The following SYN3 variants were observed in gnomAD, a reference collection of about 807,000 sequenced individuals.
SYN3 encodes the protein synapsin-3.
In SYN3, 35 loss-of-function variants were observed where a neutral mutation model predicts 65.8. That is an observed-to-expected ratio of 0.53 (90% CI 0.41 to 0.70). The LOEUF (loss-of-function observed/expected upper bound fraction) is 0.70, where lower values mean the gene tolerates loss of function less well. Among genes scored for constraint, SYN3 ranks in the 30% least tolerant of loss-of-function variants. The pLI, the probability that SYN3 is intolerant of heterozygous loss-of-function variation, is 0.00. For synonymous variants in SYN3, 270 were observed against 292.9 expected (o/e 0.92, Z 0.80); for missense variants, 680 against 749.0 (o/e 0.91, Z 1.08).
intron 6 of SYN3, among the ~76,000 whole-genome samples, chr22:32,799,429 C>T (rs886603363): frequency 3.9e-5 from 6 of 152,172 alleles, no homozygotes; most frequent in South Asian, 2.1e-4. Flanking sequence ...TGGAAAAAAA[C>T]GCTTCAGATG....
At chr22:32,725,847 T>C (rs1237401951) in intron 6 of SYN3, among the ~76,000 whole-genome samples, 3 of 152,252 alleles carry the variant, frequency 2.0e-5, no homozygotes, top group Non-Finnish European at 4.4e-5. Flanking sequence ...GCAAATATGC[T>C]TAGTCAATAT....
chr22:32,664,858 C>T (rs111710961), intron 6 of SYN3, among the ~76,000 whole-genome samples: 6,931 of 151,708 alleles, frequency 0.046, 184 homozygotes, highest in Admixed American at 0.069. Context: ...CCAATCTGCC[C>T]GCCTCCACCT....
intron 2 of SYN3, 33 bp from the exon 3 acceptor site, chr22:32,980,735 T>C (rs368660259): frequency 1.5e-5 from 24 of 1,605,472 alleles, no homozygotes; most frequent in African/African-American, 1.5e-4. Context: ...TGAGTAAGGA[T>C]GCAGGCTGTT....
At chr22:32,932,815 C>T (rs780690812) in intron 3 of SYN3, among the ~76,000 whole-genome samples, 13 of 152,138 alleles carry the variant, frequency 8.5e-5, no homozygotes, top group Non-Finnish European at 1.6e-4. Flanking sequence ...AATTCATTCT[C>T]CACAGTTTTG....
intron 6 of SYN3, among the ~76,000 whole-genome samples, chr22:32,639,201 C>G (rs1347283660): frequency 6.6e-6 from 1 of 152,196 alleles, no homozygotes; most frequent in African/African-American, 2.4e-5. Context: ...GATCCACCCG[C>G]CTCGGCCTCC....
At chr22:32,776,572 C>A (rs930040070) in intron 6 of SYN3, among the ~76,000 whole-genome samples, 3 of 152,184 alleles carry the variant, frequency 2.0e-5, no homozygotes, top group African/African-American at 7.2e-5. Flanking sequence ...AATGAAGGGT[C>A]TGGCTCCAAG....
intron 6 of SYN3, among the ~76,000 whole-genome samples, chr22:32,649,726 T>TCAGGCAGGGGGTGGC: frequency 6.6e-6 from 1 of 152,274 alleles, no homozygotes; most frequent in Admixed American, 6.5e-5. Context: ...ACAGGATGAC[T>TCAGGCAGGGGGTGGC]CAGGCAGGGG....
intron 6 of SYN3, chr22:32,859,163 C>T (rs1569281617): frequency 1.2e-6 from 2 of 1,614,134 alleles, no homozygotes; most frequent in Admixed American, 1.7e-5. Context: ...CAACTGCTGC[C>T]TGTTATCTAA....
At chr22:32,630,303 T>C (rs1774150297) in intron 6 of SYN3, among the ~76,000 whole-genome samples, 1 of 152,096 alleles carries the variant, frequency 6.6e-6, no homozygotes, top group Non-Finnish European at 1.5e-5. Flanking sequence ...TTTTTAGAGA[T>C]GGGGTCTTGC....
chr22:32,803,463 G>T (rs921077502), intron 6 of SYN3, among the ~76,000 whole-genome samples: 1 of 152,144 alleles, frequency 6.6e-6, no homozygotes, highest in Non-Finnish European at 1.5e-5. Context: ...GCAGCTGAGG[G>T]TGTTTGTGTG....
At chr22:32,568,249 C>T (rs566747504) in intron 7 of SYN3, among the ~76,000 whole-genome samples, 13 of 152,268 alleles carry the variant, frequency 8.5e-5, no homozygotes, top group African/African-American at 3.1e-4. Flanking sequence ...CCTACTCATT[C>T]CTCAAAACCC....
chr22:32,846,215 G>C (rs2048058160), intron 6 of SYN3, among the ~76,000 whole-genome samples: 1 of 152,192 alleles, frequency 6.6e-6, no homozygotes, highest in Admixed American at 6.5e-5. Context: ...TGGGTGATAA[G>C]GTGGGATGGG....
rs1290819555 is a variant in SYN3, at chr22:32,679,658, C to CA, written c.712-82923dup. On this transcript the variant is annotated intron_variant, in intron 6 of 13. Transcript: ENST00000358763. ...CAACACTTTTGTTTTTAATAACAGC[C>CA]ATCCTAACATCCTAACAGGTGTGAG... Among the ~76,000 whole-genome samples, 1,334 of 152,156 alleles carry CA rather than the reference C, an allele frequency of 8.8e-3. 22 individuals are homozygous for CA. The highest frequency in any genetic ancestry group is 0.031 in the African/African-American group (1,283 of 41,512).
intron 4 of SYN3, among the ~76,000 whole-genome samples, chr22:32,883,119 G>A (rs918062013): frequency 6.6e-6 from 1 of 152,168 alleles, no homozygotes; most frequent in Admixed American, 6.5e-5. Flanking sequence ...GAAACTAAAG[G>A]GAGCTATTTA....
intron 6 of SYN3, among the ~76,000 whole-genome samples, chr22:32,816,844 G>C (rs1341155585): frequency 6.6e-6 from 1 of 152,166 alleles, no homozygotes; most frequent in Non-Finnish European, 1.5e-5. Flanking sequence ...TGTAAGGATG[G>C]GGCAGGCAAC....
chr22:32,570,819 T>C lies in SYN3; in HGVS notation c.774+25855A>G, dbSNP rs373640555. ...GCCTGCTCAGCACTGGGATGCTGACTTCTCTCTACCAGTGACCCACAATGC... is the reference window on the plus strand; with the variant it reads ...GCCTGCTCAGCACTGGGATGCTGACCTCTCTCTACCAGTGACCCACAATGC... On this transcript the variant is annotated intron_variant, in intron 7 of 13. Transcript: ENST00000358763. Among the ~76,000 whole-genome samples the C allele has an allele frequency of 3.9e-5, 6 of 152,128 alleles. No homozygotes were observed. The East Asian group carries it at 9.6e-4, about 24-fold the overall frequency.
intron 3 of SYN3, among the ~76,000 whole-genome samples, chr22:32,936,249 T>C (rs183413240): frequency 2.0e-5 from 3 of 152,332 alleles, no homozygotes; most frequent in Admixed American, 1.3e-4. Context: ...ATATCAGTTT[T>C]CAGGAACTAG....
At chr22:32,670,606 A>G (rs201010448) in intron 6 of SYN3, among the ~76,000 whole-genome samples, 1 of 152,198 alleles carries the variant, frequency 6.6e-6, no homozygotes, top group Non-Finnish European at 1.5e-5. Flanking sequence ...TTTGTATCTT[A>G]CAGCATTAGG....
chr22:32,530,800 T>C (rs887893187), intron 10 of SYN3, among the ~76,000 whole-genome samples: 1 of 151,752 alleles, frequency 6.6e-6, no homozygotes, highest in African/African-American at 2.4e-5. Context: ...GTCAGGAGAT[T>C]GAGACCATCC....
Sources: allele counts gnomAD v4.1 joint callset (sites outside exome capture counted in the v4.1 genomes callset), GRCh38; gene constraint gnomAD v4.1.1; transcripts MANE v1.5; gene names NCBI Gene and HGNC (gene_info 2026-07-23, HGNC 2026-07-21).